SVOPL: variants seen among roughly 807,000 people sequenced by gnomAD.
SVOPL encodes the protein putative transporter SVOPL.
SVOPL carries 60 observed loss-of-function variants against 61.0 expected under a neutral mutation model. The ratio of observed to expected loss-of-function variants is 0.98; its 90% CI spans 0.80 to 1.22. The LOEUF is 1.22. Among genes scored for constraint, SVOPL ranks in the 50% most tolerant of loss-of-function variants. The pLI is 0.00. For synonymous variants in SVOPL, 279 were observed against 250.0 expected, an observed-to-expected ratio of 1.12 and a Z score of -1.09; for missense variants, 662 against 643.9, an observed-to-expected ratio of 1.03 and a Z score of -0.30.
In SVOPL at chr7:138,630,648, A is replaced by G. The variant is rs7781174; in HGVS notation, c.790-526T>C. Among the ~76,000 whole-genome samples, 168 of 152,294 alleles carry G rather than the reference A, an allele frequency of 1.1e-3. 1 individual carries two copies. Among genetic ancestry groups the G allele is most frequent in the African/African-American group, 3.6e-3 (151 of 41,582 alleles). On this transcript the variant is annotated intron_variant, in intron 9 of 15. Coordinates refer to ENST00000674285, the MANE Select transcript of SVOPL (RefSeq NM_001139456.2). ...ACCTATTGAATAACTTTGGATAAAA[A>G]CAAGTAAGAATGGGCTGGGTGTGGG...
Position 138,627,375 on chromosome 7 carries a change from G to A in SVOPL, c.1156C>T (p.Leu386Phe). The change falls in exon 12 of 16, where the codon CTT (leucine) becomes TTT (phenylalanine). Residue 386 changes from leucine (L) to phenylalanine (F), a missense_variant. Coordinates refer to ENST00000674285, the MANE Select transcript of SVOPL (RefSeq NM_001139456.2). The stretch of plus-strand genomic sequence containing the variant: ...CTTGAAGTGCAAATGTTGAGGAGAA[G>A]GAAGAATAAAGCCGTGCATCCCATG... ...ITMGCTALFF[L>F]LLNICTSSAG... 1 of 1,613,518 alleles carries A rather than the reference G, an allele frequency of 6.2e-7. No individual in the cohort carries two copies. Among genetic ancestry groups the A allele is most frequent in the Non-Finnish European group, 8.5e-7 (1 of 1,179,468 alleles).
intron 14 of SVOPL, among the ~76,000 whole-genome samples, chr7:138,620,612 C>T (rs1018785348): frequency 6.6e-6 from 1 of 152,094 alleles, no homozygotes; most frequent in African/African-American, 2.4e-5. Context: ...CTAAGCCTGG[C>T]TCACCTGTGC....
chr7:138,598,429 C>G (rs1398336358), intron 14 of SVOPL, among the ~76,000 whole-genome samples: 1 of 152,186 alleles, frequency 6.6e-6, no homozygotes, highest in Non-Finnish European at 1.5e-5. Flanking sequence ...GACTATTAGA[C>G]AGCAAATCAG....
At chr7:138,637,479 TAG>T (rs1273236689) in intron 9 of SVOPL, among the ~76,000 whole-genome samples, 88 of 17,034 alleles carry the variant, frequency 5.2e-3, no homozygotes, top group African/African-American at 9.9e-3. Context: ...GATATAGATA[TAG>T]ATATAGATAG....
At position 138,602,441 on chromosome 7, in the gene SVOPL, C is replaced by CTATATATATA. The variant is rs59400217; in HGVS notation, c.1354-5921_1354-5912dup. ...GATTATTAGTGAGAAAAGGCAGTTG[C>CTATATATATA]TATATATATATATATATATATATAT... is the stretch of plus-strand genomic sequence containing the variant. On this transcript the variant is annotated intron_variant, in intron 14 of 15. Coordinates refer to ENST00000674285, the MANE Select transcript of SVOPL (RefSeq NM_001139456.2). Among the ~76,000 whole-genome samples, 522 of 140,416 alleles carry CTATATATATA rather than the reference C, an allele frequency of 3.7e-3. 4 individuals are homozygous for CTATATATATA. The highest frequency in any genetic ancestry group is 7.9e-3 in the African/African-American group (302 of 38,178). 92.1% of individuals were successfully genotyped at this position (140,416 alleles called of 152,430 possible). A position where few individuals can be genotyped will look rare whatever the true frequency, so the allele number is the denominator to read the frequency against.
chr7:138,602,474 T>TATGTAG (rs1661740857), intron 14 of SVOPL, among the ~76,000 whole-genome samples: 2 of 150,064 alleles, frequency 1.3e-5, no homozygotes, highest in African/African-American at 4.9e-5. Context: ...TATATATATA[T>TATGTAG]ATGTAGATGT....
chr7:138,676,681 T>C (rs1360190799), intron 3 of SVOPL, among the ~76,000 whole-genome samples: 1 of 152,200 alleles, frequency 6.6e-6, no homozygotes, highest in Non-Finnish European at 1.5e-5. Context: ...GTGTCTCTGG[T>C]GATTCTTATG....
intron 4 of SVOPL, chr7:138,663,417 T>C: frequency 7.4e-7 from 1 of 1,342,412 alleles, no homozygotes; most frequent in Non-Finnish European, 9.6e-7. Flanking sequence ...CGGCTTCGGC[T>C]CCACTCTATT....
chr7:138,675,698 C>A (rs761316638), intron 3 of SVOPL, among the ~76,000 whole-genome samples: 12 of 152,084 alleles, frequency 7.9e-5, no homozygotes, highest in Admixed American at 6.6e-5. Context: ...TGGGGAGGGT[C>A]AGATCCCTCT....
chr7:138,665,576 C>T (rs1268766647), intron 4 of SVOPL, among the ~76,000 whole-genome samples: 1 of 152,114 alleles, frequency 6.6e-6, no homozygotes, highest in East Asian at 1.9e-4. Context: ...ACAAATGCAG[C>T]CAATGAAATA....
At chr7:138,598,104 A>C (rs1001178882) in intron 14 of SVOPL, among the ~76,000 whole-genome samples, 7 of 152,376 alleles carry the variant, frequency 4.6e-5, no homozygotes, top group Middle Eastern at 3.4e-3. Context: ...AACTCTGAGT[A>C]ATACCTGATT....
chr7:138,686,306 G>A (rs1802810480), intron 1 of SVOPL, among the ~76,000 whole-genome samples: 1 of 151,138 alleles, frequency 6.6e-6, no homozygotes, highest in South Asian at 2.1e-4. Flanking sequence ...GGGAGGCTGA[G>A]GCAGGAGAAT....
intron 1 of SVOPL, among the ~76,000 whole-genome samples, chr7:138,680,629 A>G (rs1310172084): frequency 1.3e-5 from 2 of 151,700 alleles, no homozygotes; most frequent in African/African-American, 4.9e-5. Flanking sequence ...CCCAGGCTGG[A>G]GTGCAGTGGC....
chr7:138,650,906 G>C (rs1356541601), intron 7 of SVOPL, among the ~76,000 whole-genome samples: 2 of 149,150 alleles, frequency 1.3e-5, no homozygotes, highest in Non-Finnish European at 3.0e-5. Context: ...AGTGTATAAG[G>C]CTTCAGCGGG....
chr7:138,628,360 A>T lies in SVOPL; in HGVS notation c.867T>A (p.Leu289=). 1.2e-6 allele frequency: 2 copies of T among 1,613,942 alleles called. No individual in the cohort carries two copies. Among genetic ancestry groups the T allele is most frequent in the South Asian group, 1.1e-5 (1 of 91,062 alleles). ...CCCCATAGTAGGCAAAAGAGATTCCAAGCCTGGAAGAGAGAAAACAAAGTC... is the reference window on the plus strand; with the variant it reads ...CCCCATAGTAGGCAAAAGAGATTCCTAGCCTGGAAGAGAGAAAACAAAGTC... ...RTTLQIWVIW[L]GISFAYYGVI... is the part of the protein sequence containing the mutation. Residue 289 remains leucine, a synonymous_variant, in exon 11 of 16, where the codon CTT becomes CTA. Transcript: ENST00000674285.
At chr7:138,669,363 G>A (rs901066998) in intron 4 of SVOPL, among the ~76,000 whole-genome samples, 4 of 151,918 alleles carry the variant, frequency 2.6e-5, no homozygotes, top group South Asian at 2.1e-4. Context: ...AGCTATGATC[G>A]CACCACCACA....
At chr7:138,648,341 T>A (rs1339353499) in intron 8 of SVOPL, among the ~76,000 whole-genome samples, 1 of 151,938 alleles carries the variant, frequency 6.6e-6, no homozygotes, top group Non-Finnish European at 1.5e-5. Context: ...CCTGGCGCGG[T>A]GGCTCATGCC....
chr7:138,653,626 A>C lies in SVOPL; in HGVS notation c.534+2822T>G, dbSNP rs1022324154. 5.3e-5 allele frequency among the ~76,000 whole-genome samples: 8 copies of C among 151,962 alleles called. No individual in the cohort carries two copies. In the South Asian group the frequency reaches 1.7e-3, roughly 32 times the overall value. On this transcript the variant is annotated intron_variant, in intron 7 of 15. Coordinates refer to ENST00000674285, the MANE Select transcript of SVOPL (RefSeq NM_001139456.2). The stretch of plus-strand genomic sequence containing the variant: ...AGACCAGCCTGGTCGACATGGCAAA[A>C]TCTCATCTCAACTAAAGAAAAAATA...
At chr7:138,627,524 C>G in intron 11 of SVOPL, 63 bp from the exon 12 acceptor site, 1 of 1,213,300 alleles carries the variant, frequency 8.2e-7, no homozygotes. Flanking sequence ...TATTGCAACA[C>G]TGGCATGGAT....
Sources: gnomAD v4.1 joint callset for allele counts (sites outside exome capture counted in the v4.1 genomes callset) on GRCh38, gnomAD v4.1.1 for gene constraint, MANE v1.5 for transcripts, NCBI Gene and HGNC (gene_info 2026-07-23, HGNC 2026-07-21) for gene names.